DIS3L2: variants seen among roughly 807,000 people sequenced by gnomAD.
DIS3L2 encodes DIS3-like exonuclease 2.
DIS3L2 carries 34 observed loss-of-function variants against 97.5 expected under a neutral mutation model. The ratio of observed to expected loss-of-function variants is 0.35; its 90% CI spans 0.27 to 0.46. The LOEUF (loss-of-function observed/expected upper bound fraction) is 0.46. DIS3L2 is among the 20% of genes least tolerant of loss of function. The pLI is 1.00. For missense variants in DIS3L2, 1,038 were observed against 1,146.0 expected (o/e 0.91, Z 1.36); for synonymous variants, 435 against 445.2 (o/e 0.98, Z 0.29).
chr2:232,022,225 C>A (rs1694538784), intron 3 of DIS3L2, among the ~76,000 whole-genome samples: 1 of 152,170 alleles, frequency 6.6e-6, no homozygotes, highest in Non-Finnish European at 1.5e-5. Flanking sequence ...GATCTGCATT[C>A]CCTCAAGGGC....
chr2:232,224,636 C>T (rs956037890), intron 10 of DIS3L2, among the ~76,000 whole-genome samples: 2 of 151,916 alleles, frequency 1.3e-5, no homozygotes, highest in African/African-American at 4.8e-5. Context: ...GTTAGGAGTT[C>T]GACACCAGCC....
At chr2:232,070,459 T>C (rs1438397264) in intron 5 of DIS3L2, among the ~76,000 whole-genome samples, 1 of 152,238 alleles carries the variant, frequency 6.6e-6, no homozygotes, top group Non-Finnish European at 1.5e-5. Context: ...ACCTTGCTAC[T>C]GAGAGAACTC....
At chr2:232,087,022 T>G (rs1029272362) in intron 5 of DIS3L2, among the ~76,000 whole-genome samples, 17 of 152,140 alleles carry the variant, frequency 1.1e-4, no homozygotes, top group Admixed American at 2.6e-4. Flanking sequence ...TATAAACTCT[T>G]GTTCACACTT....
intron 14 of DIS3L2, among the ~76,000 whole-genome samples, chr2:232,318,601 C>T (rs1024038038): frequency 3.9e-5 from 6 of 152,138 alleles, no homozygotes; most frequent in African/African-American, 1.4e-4. Context: ...GTTGTGAGCA[C>T]CCCGCATGGG....
In DIS3L2 at chr2:232,292,461, A is replaced by G. The variant is rs1574998881; in HGVS notation, c.1660-7579A>G. On this transcript the variant is annotated intron_variant, in intron 13 of 20. Transcript: ENST00000325385. This position sits in a 1 kb window ranked among gnomAD's most constrained non-coding sequence, Gnocchi z 4.4. Reference sequence around the variant, plus strand: ...CGGAAGGAGGGCCTCTCAAAGGCCCAACAACCCCAACAGGGCCTGCATCCC... The same window carrying G: ...CGGAAGGAGGGCCTCTCAAAGGCCCGACAACCCCAACAGGGCCTGCATCCC... Among the ~76,000 whole-genome samples, 2 of 152,204 alleles carry G rather than the reference A, an allele frequency of 1.3e-5. No individual in the cohort carries two copies. Among genetic ancestry groups the G allele is most frequent in the South Asian group, 4.1e-4 (2 of 4,838 alleles).
At chr2:232,334,305 C>T (rs1163249274) in intron 17 of DIS3L2, 64 bp from the exon 18 acceptor site, 3 of 1,560,450 alleles carry the variant, frequency 1.9e-6, no homozygotes, top group South Asian at 2.3e-5. Context: ...GCAGCCCATC[C>T]CCCAGCCATA....
intron 1 of DIS3L2, among the ~76,000 whole-genome samples, chr2:231,970,717 C>T (rs1174549295): frequency 1.3e-5 from 2 of 152,168 alleles, no homozygotes; most frequent in Non-Finnish European, 2.9e-5. Flanking sequence ...TTTACAAACA[C>T]AGTACACTTA....
intron 12 of DIS3L2, among the ~76,000 whole-genome samples, chr2:232,258,794 C>A (rs1693638665): frequency 6.6e-6 from 1 of 152,080 alleles, no homozygotes; most frequent in African/African-American, 2.4e-5. Flanking sequence ...ATGAGGTGTT[C>A]CATACAGAGA....
chr2:232,259,552 T>C (rs1283344078), intron 12 of DIS3L2, among the ~76,000 whole-genome samples: 1 of 152,142 alleles, frequency 6.6e-6, no homozygotes, highest in Non-Finnish European at 1.5e-5. Flanking sequence ...CTCGTGGAAC[T>C]TGCTGCTACG....
chr2:232,342,878 C>T (rs1426658053), intron 13 of DIS3L2, among the ~76,000 whole-genome samples: 1 of 152,174 alleles, frequency 6.6e-6, no homozygotes, highest in Non-Finnish European at 1.5e-5. Context: ...GGAAGGGCTG[C>T]ACGGTCGATG....
At chr2:232,326,835 C>T (rs958355793) in intron 14 of DIS3L2, among the ~76,000 whole-genome samples, 1 of 152,072 alleles carries the variant, frequency 6.6e-6, no homozygotes, top group African/African-American at 2.4e-5. Context: ...CCTCCATAGC[C>T]TCACCAGGCT....
intron 6 of DIS3L2, among the ~76,000 whole-genome samples, chr2:232,113,190 A>G (rs1697590567): frequency 6.6e-6 from 1 of 152,200 alleles, no homozygotes; most frequent in Non-Finnish European, 1.5e-5. Flanking sequence ...ATTATGCTTC[A>G]AAAGAAAAAC....
intron 6 of DIS3L2, among the ~76,000 whole-genome samples, chr2:232,117,775 C>T (rs1697772960): frequency 6.6e-6 from 1 of 152,226 alleles, no homozygotes; most frequent in Non-Finnish European, 1.5e-5. Flanking sequence ...ACATGAATGC[C>T]ACCTAGTTCG....
intron 16 of DIS3L2, among the ~76,000 whole-genome samples, chr2:232,331,124 G>A (rs1695724557): frequency 1.3e-5 from 2 of 152,236 alleles, no homozygotes; most frequent in African/African-American, 2.4e-5. Flanking sequence ...GGAACACTCC[G>A]CAGCCTCCAT....
chr2:232,212,892 G>T (rs997453592), intron 10 of DIS3L2, among the ~76,000 whole-genome samples: 4 of 152,148 alleles, frequency 2.6e-5, no homozygotes, highest in African/African-American at 7.2e-5. Context: ...GTCCAAGATG[G>T]TGCCAAGGTT....
chr2:232,033,531 G>A (rs774647706), intron 5 of DIS3L2, among the ~76,000 whole-genome samples: 5 of 152,170 alleles, frequency 3.3e-5, no homozygotes, highest in African/African-American at 1.2e-4. Flanking sequence ...CTGAGAGAGG[G>A]CATCCTTGTC....
intron 20 of DIS3L2, chr2:232,336,242 A>G (rs1337942387): frequency 1.9e-6 from 3 of 1,541,196 alleles, no homozygotes; most frequent in Admixed American, 3.9e-5. Flanking sequence ...CCAGGCCCTC[A>G]GGTTGTGTTT....
intron 11 of DIS3L2, among the ~76,000 whole-genome samples, chr2:232,248,409 A>G (rs1035541149): frequency 1.3e-5 from 2 of 152,136 alleles, no homozygotes; most frequent in African/African-American, 4.8e-5. Flanking sequence ...AAAATATGGG[A>G]AAAGGAACAG....
intron 14 of DIS3L2, among the ~76,000 whole-genome samples, chr2:232,318,820 G>C (rs1431987875): frequency 6.6e-6 from 1 of 152,208 alleles, no homozygotes; most frequent in Non-Finnish European, 1.5e-5. Context: ...CCAAGCCTCT[G>C]TGTTCCATCT....
Sources: allele counts gnomAD v4.1 joint callset (sites outside exome capture counted in the v4.1 genomes callset), GRCh38; gene constraint gnomAD v4.1.1; non-coding constraint Gnocchi (gnomAD v3.1); transcripts MANE v1.5; gene names NCBI Gene and HGNC (gene_info 2026-07-23, HGNC 2026-07-21).